The following AHCTF1 variants were observed in gnomAD, a reference collection of about 807,000 sequenced individuals.
The protein encoded by AHCTF1 is AT-hook containing transcription factor 1.
AHCTF1 carries 24 observed loss-of-function variants against 248.4 expected under a neutral mutation model. That is an observed-to-expected ratio of 0.10 (90% CI 0.07 to 0.14). The LOEUF (loss-of-function observed/expected upper bound fraction) is 0.14, where lower values mean the gene tolerates loss of function less well. Among genes scored for constraint, AHCTF1 ranks in the 10% least tolerant of loss-of-function variants. The pLI is 1.00. For missense variants in AHCTF1, 2,206 were observed against 2,636.2 expected, an observed-to-expected ratio of 0.84 and a Z score of 3.57; for synonymous variants, 786 against 929.8, an observed-to-expected ratio of 0.85 and a Z score of 2.81.
At chr1:246,921,226 A>G (rs1392925184) in intron 1 of AHCTF1, among the ~76,000 whole-genome samples, 1 of 152,218 alleles carries the variant, frequency 6.6e-6, no homozygotes, top group African/African-American at 2.4e-5. Flanking sequence ...AACTATGAAA[A>G]AAACAAAGAA....
chr1:246,873,962 G>C (rs1022800889), intron 24 of AHCTF1, among the ~76,000 whole-genome samples: 8 of 152,190 alleles, frequency 5.3e-5, no homozygotes, highest in African/African-American at 1.9e-4. Flanking sequence ...GACTTACTAC[G>C]CTGACATAAG....
At chr1:246,900,789 C>T (rs887904866) in intron 8 of AHCTF1, among the ~76,000 whole-genome samples, 1 of 152,212 alleles carries the variant, frequency 6.6e-6, no homozygotes, top group African/African-American at 2.4e-5. Flanking sequence ...CAGTCTCTCT[C>T]GCAAGGACGG....
intron 1 of AHCTF1, among the ~76,000 whole-genome samples, chr1:246,922,797 A>G (rs187399426): frequency 1.3e-5 from 2 of 151,138 alleles, no homozygotes; most frequent in East Asian, 2.0e-4. Context: ...CCTGGATAAC[A>G]CGGTGAAACC....
Position 246,916,341 on chromosome 1 carries a change from G to A in AHCTF1, c.176C>T (p.Ser59Phe). 1 of 1,610,570 alleles carries A rather than the reference G, an allele frequency of 6.2e-7. No individual in the cohort carries two copies. Among genetic ancestry groups the A allele is most frequent in the Non-Finnish European group, 8.5e-7 (1 of 1,178,390 alleles). ...ACGPQLEVVN[S>F]ITGERLSAYR... ...AGCAGACAATCGCTCTCCTGTTATA[G>A]AGTTTACTACCTCAAGTTGTGGACC... Residue 59 changes from serine to phenylalanine, a missense_variant, in exon 3 of 36, where the codon TCT becomes TTT. Ser to Phe is a radical substitution (Grantham distance 155). Transcript: ENST00000648844.
rs972822781 is a variant in AHCTF1 at position 246,877,545 on chromosome 1, TAGACAAAAATTCAAAGA to T, written c.2661-260_2661-244del. 3.1e-4 allele frequency among the ~76,000 whole-genome samples: 45 copies of T among 143,962 alleles called. 1 individual carries two copies. The highest frequency in any genetic ancestry group is 6.4e-4 in the Admixed American group (9 of 14,046). 94.4% of individuals were successfully genotyped at this position (143,962 alleles called of 152,430 possible). A position where few individuals can be genotyped will look rare whatever the true frequency, so the allele number is the denominator to read the frequency against. ...GATATAAAATAATAAAAAAGCAAAG[TAGACAAAAATTCAAAGA>T]AGACAAAAAACTAATGTGGCCTGGA... is the stretch of plus-strand genomic sequence containing the variant. On this transcript the variant is annotated intron_variant, in intron 21 of 35. Coordinates refer to ENST00000648844, the MANE Select transcript of AHCTF1 (RefSeq NM_001323342.2).
At chr1:246,862,433 T>C (rs1478562193) in intron 27 of AHCTF1, among the ~76,000 whole-genome samples, 5 of 151,906 alleles carry the variant, frequency 3.3e-5, no homozygotes, top group East Asian at 3.9e-4. Context: ...TGAGCCGAGA[T>C]TGCGCCACTG....
intron 35 of AHCTF1, among the ~76,000 whole-genome samples, chr1:246,841,710 C>T (rs576894632): frequency 3.9e-5 from 6 of 152,298 alleles, no homozygotes; most frequent in African/African-American, 1.2e-4. Flanking sequence ...CTTCCCTTTC[C>T]TACTTTTTCT....
intron 19 of AHCTF1, 140 bp from the exon 20 acceptor site, chr1:246,887,497 G>C (rs1439203231): frequency 1.3e-5 from 11 of 818,054 alleles, no homozygotes; most frequent in Admixed American, 3.2e-5. Context: ...CCATCATGGA[G>C]AGTCAGCAAT....
chr1:246,868,125 C>G (rs560173430), intron 24 of AHCTF1, among the ~76,000 whole-genome samples: 16 of 145,456 alleles, frequency 1.1e-4, no homozygotes, highest in Admixed American at 4.1e-4. Context: ...CCAAGCCCGG[C>G]TAATTTTTTT....
rs145295081 is a variant in AHCTF1 at position 246,889,333 on chromosome 1, G to C, written c.2144+633C>G. ...ATAGCGGCAGCACTTACTACTCTTTGCGGTTGTCCAATGAGCCAGGCACTG... is the reference window on the plus strand; with the variant it reads ...ATAGCGGCAGCACTTACTACTCTTTCCGGTTGTCCAATGAGCCAGGCACTG... On this transcript the variant is annotated intron_variant, in intron 17 of 35. Transcript: ENST00000648844. Among the ~76,000 whole-genome samples, 883 of 151,828 alleles carry C rather than the reference G, an allele frequency of 5.8e-3. 10 individuals carry two copies. The highest frequency in any genetic ancestry group is 0.02 in the African/African-American group (837 of 41,394).
At position 246,888,465 on chromosome 1, in the gene AHCTF1, C is replaced by T. The variant is rs1282612213; in HGVS notation, c.2197G>A (p.Gly733Arg). The T allele has an allele frequency of 6.2e-7, 1 of 1,613,678 alleles. No homozygotes were observed. Among genetic ancestry groups the T allele is most frequent in the Non-Finnish European group, 8.5e-7 (1 of 1,180,002 alleles). The change falls in exon 18 of 36, where the codon GGA becomes AGA. Residue 733 changes from glycine (G) to arginine (R), a missense_variant. Coordinates refer to ENST00000648844, the MANE Select transcript of AHCTF1 (RefSeq NM_001323342.2). ...TTCCACAACTTCTCAATTCGCTCTCCTAACTGAGAAACCAGTCCATCAATC... is the reference window on the plus strand; with the variant it reads ...TTCCACAACTTCTCAATTCGCTCTCTTAACTGAGAAACCAGTCCATCAATC... ...LMIDGLVSQL[G>R]ERIEKLWKRD... is the part of the protein sequence containing the mutation.
intron 20 of AHCTF1, among the ~76,000 whole-genome samples, chr1:246,886,848 T>G (rs1207701013): frequency 6.6e-6 from 1 of 152,192 alleles, no homozygotes; most frequent in Non-Finnish European, 1.5e-5. Context: ...TCTAAGACCC[T>G]ATCACACTAT....
At chr1:246,909,328 A>C (rs1665630829) in intron 4 of AHCTF1, among the ~76,000 whole-genome samples, 1 of 149,620 alleles carries the variant, frequency 6.7e-6, no homozygotes, top group Non-Finnish European at 1.5e-5. Flanking sequence ...GAGGCAGAAG[A>C]ATCACCTGAA....
At chr1:246,931,074 T>C in intron 1 of AHCTF1, 3 of 1,542,550 alleles carry the variant, frequency 1.9e-6, no homozygotes, top group South Asian at 1.2e-5. Context: ...TCGGGTGAGC[T>C]GGAACCTCAC....
intron 17 of AHCTF1, 32 bp downstream of exon 17, chr1:246,889,934 C>T: frequency 6.6e-7 from 1 of 1,516,784 alleles, no homozygotes; most frequent in Non-Finnish European, 9.1e-7. Flanking sequence ...TGACTTCTTA[C>T]AGATGTAATT....
chr1:246,880,376 A>T (rs956154222), intron 21 of AHCTF1, among the ~76,000 whole-genome samples: 1 of 151,970 alleles, frequency 6.6e-6, no homozygotes, highest in East Asian at 1.9e-4. Context: ...CAGCCTGACC[A>T]ACATGGTAAA....
Position 246,851,249 on chromosome 1 carries a change from A to G in AHCTF1, c.4757T>C (p.Phe1586Ser). 6.2e-7 allele frequency: 1 copy of G among 1,613,942 alleles called. No homozygotes were observed. Among genetic ancestry groups the G allele is most frequent in the Non-Finnish European group, 8.5e-7 (1 of 1,179,862 alleles). ...CAAGGTAAAGTTGCTTTGAGCCACA[A>G]AAAGTTCCCCATCTACTTCAGCAAT... ...CDIAEVDGEL[F>S]VAQSNFTLIL... is the part of the protein sequence containing the mutation. Residue 1586 changes from phenylalanine to serine, a missense_variant, in exon 33 of 36, where the codon TTT becomes TCT. By Grantham distance (155) the Phe-to-Ser change is radical. Coordinates refer to ENST00000648844, the MANE Select transcript of AHCTF1 (RefSeq NM_001323342.2).
At chr1:246,864,958 G>C (rs1661859358) in intron 26 of AHCTF1, among the ~76,000 whole-genome samples, 1 of 149,998 alleles carries the variant, frequency 6.7e-6, no homozygotes, top group Admixed American at 6.7e-5. Context: ...TGAGTTTGGT[G>C]ACAAAGTACA....
At chr1:246,888,314 T>C (rs1392649939) in intron 18 of AHCTF1, 80 bp downstream of exon 18, 9 of 1,612,112 alleles carry the variant, frequency 5.6e-6, no homozygotes, top group Non-Finnish European at 7.6e-6. Flanking sequence ...CCCAAGTTTG[T>C]GCCAGACACA....
Sources: allele counts gnomAD v4.1 joint callset (sites outside exome capture counted in the v4.1 genomes callset), GRCh38; gene constraint gnomAD v4.1.1; transcripts MANE v1.5; gene names NCBI Gene and HGNC (gene_info 2026-07-23, HGNC 2026-07-21).